Variants in TTYH2 observed in about 807,000 individuals in gnomAD.
The protein encoded by TTYH2 is tweety family member 2.
In TTYH2, 49 loss-of-function variants were observed where a neutral mutation model predicts 68.3. The ratio of observed to expected loss-of-function variants is 0.72; its 90% CI spans 0.57 to 0.91. TTYH2 has a LOEUF of 0.91. TTYH2 is among the 40% of genes least tolerant of loss of function. TTYH2 has a pLI of 0.00. For missense variants in TTYH2, 631 were observed against 700.4 expected, an observed-to-expected ratio of 0.90 and a Z score of 1.12; for synonymous variants, 272 against 300.8, an observed-to-expected ratio of 0.90 and a Z score of 0.99.
At chr17:74,237,086 G>T (rs545205442) in intron 3 of TTYH2, among the ~76,000 whole-genome samples, 30 of 152,078 alleles carry the variant, frequency 2.0e-4, no homozygotes, top group African/African-American at 7.0e-4. Flanking sequence ...TTTTTGTAGA[G>T]ACAGGGTCTC....
chr17:74,258,741 G>T (rs2050717708), intron 13 of TTYH2, among the ~76,000 whole-genome samples: 1 of 151,986 alleles, frequency 6.6e-6, no homozygotes, highest in Admixed American at 6.6e-5. Context: ...AGCATCCCTG[G>T]CATCTACTTG....
intron 10 of TTYH2, 191 bp from the exon 11 acceptor site, chr17:74,252,043 G>A (rs545646599): frequency 4.5e-6 from 3 of 666,504 alleles, no homozygotes; most frequent in South Asian, 3.7e-5. Context: ...TTTCCAGCGT[G>A]AACCCAAGAA....
Position 74,243,989 on chromosome 17 carries a change from T to TG in TTYH2, c.748dup (p.Ala250GlyfsTer14). 6.2e-7 allele frequency: 1 copy of TG among 1,612,146 alleles called. No homozygotes were observed. Among genetic ancestry groups the TG allele is most frequent in the Non-Finnish European group, 8.5e-7 (1 of 1,179,912 alleles). On this transcript the variant is annotated frameshift_variant, in exon 6 of 14. Coordinates refer to ENST00000269346, the MANE Select transcript of TTYH2 (RefSeq NM_032646.6). LOFTEE classifies it high-confidence loss of function. ...GCCTCTCTCCTAGGATGCTGTGCTG[T>TG]GGGGCACTGAGCCTGCTCCTCAGTT... is the stretch of plus-strand genomic sequence containing the variant.
At chr17:74,248,391 C>T (rs1427557463) in intron 6 of TTYH2, 2 of 986,854 alleles carry the variant, frequency 2.0e-6, no homozygotes, top group African/African-American at 1.7e-5. Flanking sequence ...TGCTGTGGGG[C>T]CAGGTCCTCC....
At chr17:74,247,568 A>G (rs938910701) in intron 6 of TTYH2, among the ~76,000 whole-genome samples, 8 of 152,136 alleles carry the variant, frequency 5.3e-5, no homozygotes, top group Non-Finnish European at 1.0e-4. Context: ...GGAGCCTTGG[A>G]CTGGAGCCTC....
chr17:74,249,241 G>A lies in TTYH2; in HGVS notation c.875-103G>A, dbSNP rs2050593125. On this transcript the variant is annotated intron_variant, in intron 7 of 13. Transcript: ENST00000269346. ...CATTTCCTAGAAAGTGCCTCCCTTGGGAGCTCAGGGACGGGGAGGGAGGTC... is the reference window on the plus strand; with the variant it reads ...CATTTCCTAGAAAGTGCCTCCCTTGAGAGCTCAGGGACGGGGAGGGAGGTC... 7 of 1,571,258 alleles carry A rather than the reference G, an allele frequency of 4.5e-6. No individual in the cohort carries two copies. The East Asian group carries it at 1.6e-4, about 35-fold the overall frequency.
At chr17:74,250,183 C>T in intron 9 of TTYH2, 82 bp from the exon 10 acceptor site, 1 of 1,489,246 alleles carries the variant, frequency 6.7e-7, no homozygotes, top group Non-Finnish European at 9.2e-7. Flanking sequence ...CTAGAGGCCC[C>T]TGAGCACAGC....
At chr17:74,225,998 G>A (rs2050326082) in intron 2 of TTYH2, among the ~76,000 whole-genome samples, 1 of 152,248 alleles carries the variant, frequency 6.6e-6, no homozygotes, top group African/African-American at 2.4e-5. Context: ...GTCAGCTAGG[G>A]AGGTTTGGGG....
intron 1 of TTYH2, among the ~76,000 whole-genome samples, chr17:74,216,259 C>T (rs1043615083): frequency 1.5e-4 from 23 of 152,256 alleles, no homozygotes; most frequent in East Asian, 1.2e-3. Flanking sequence ...CTGAACAAAA[C>T]GCCTGCAGAA....
Position 74,250,062 on chromosome 17 carries a change from G to T in TTYH2, c.1023+34G>T, listed in dbSNP as rs372736706. ...GCTGTGCAGGAAGAGGGGAGCCCCA[G>T]ATGAACCCTGACAGCCCTTTCCCCT... On this transcript the variant is annotated intron_variant, in intron 9 of 13. Transcript: ENST00000269346. 84 of 1,609,028 alleles carry T rather than the reference G, an allele frequency of 5.2e-5. No homozygotes were observed. In the African/African-American group the frequency reaches 9.6e-4, roughly 18 times the overall value.
In TTYH2 at chr17:74,237,458, G is replaced by A; in HGVS notation, c.579G>A (p.Glu193=). The change falls in exon 4 of 14, where the codon GAG becomes GAA. Residue 193 remains glutamate, a synonymous_variant. Coordinates refer to ENST00000269346, the MANE Select transcript of TTYH2 (RefSeq NM_032646.6). The part of the protein sequence containing the change: ...VQLSGLPVWR[E]VTMELTKLSD... Reference sequence around the variant, plus strand: ...TCTCAGGACTGCCCGTGTGGAGGGAGGTCACCATGGAGCTGACCAAGCTAT... The same window carrying A: ...TCTCAGGACTGCCCGTGTGGAGGGAAGTCACCATGGAGCTGACCAAGCTAT... 1.2e-6 allele frequency: 2 copies of A among 1,614,066 alleles called. No homozygotes were observed. Among genetic ancestry groups the A allele is most frequent in the Non-Finnish European group, 1.7e-6 (2 of 1,180,004 alleles).
intron 2 of TTYH2, among the ~76,000 whole-genome samples, chr17:74,223,828 G>T (rs1013974623): frequency 5.3e-5 from 8 of 152,172 alleles, no homozygotes; most frequent in Non-Finnish European, 2.9e-5. Context: ...TCATACCCAG[G>T]CAGCTCACCT....
At chr17:74,242,144 C>T (rs2050508464) in intron 4 of TTYH2, among the ~76,000 whole-genome samples, 1 of 152,160 alleles carries the variant, frequency 6.6e-6, no homozygotes, top group South Asian at 2.1e-4. Context: ...GGTGAAGTGG[C>T]TTACCAAGGT....
rs1054049020 is a variant in TTYH2 at position 74,253,750 on chromosome 17, C to T, written c.1446-5C>T. On this transcript the variant is annotated splice_polypyrimidine_tract_variant and splice_region_variant and intron_variant, in intron 12 of 13. Transcript: ENST00000269346. ...CCCTCCTGAGCTCTCCTCTCATCCC[C>T]GCAGGAACCAAGCCATGCTCTTTGG... The T allele has an allele frequency of 8.1e-6, 13 of 1,614,006 alleles. No homozygotes were observed. Among genetic ancestry groups the T allele is most frequent in the South Asian group, 1.1e-5 (1 of 91,078 alleles).
At chr17:74,253,316 G>A (rs1303794156) in intron 12 of TTYH2, 50 bp downstream of exon 12, 3 of 1,516,626 alleles carry the variant, frequency 2.0e-6, no homozygotes, top group Admixed American at 4.4e-5. Context: ...CGGACAGCAT[G>A]TTGGGTGGGG....
rs2050397757 is a variant in TTYH2, at chr17:74,232,291, T to TG, written c.414+1293dup. On this transcript the variant is annotated intron_variant, in intron 3 of 13. Coordinates refer to ENST00000269346, the MANE Select transcript of TTYH2 (RefSeq NM_032646.6). This position sits in a 1 kb window ranked among gnomAD's most constrained non-coding sequence, Gnocchi z 5.1. ...TGTCACCTTAAAGAGACAGCTGTGC[T>TG]GCTCCTCCGTGCCCAAGTCAATTGT... Among the ~76,000 whole-genome samples the TG allele has an allele frequency of 6.6e-6, 1 of 152,332 alleles. No homozygotes were observed. Among genetic ancestry groups the TG allele is most frequent in the African/African-American group, 2.4e-5 (1 of 41,580 alleles).
intron 6 of TTYH2, chr17:74,248,168 GGGGACATCCCTAA>G (rs2050580295): frequency 1.0e-5 from 7 of 677,380 alleles, no homozygotes; most frequent in Non-Finnish European, 1.3e-5. Context: ...GCCAGAGGAG[GGGGACATCCCTAA>G]GGAACAGGCC....
At chr17:74,237,764 G>A (rs1028882175) in intron 4 of TTYH2, among the ~76,000 whole-genome samples, 15 of 152,066 alleles carry the variant, frequency 9.9e-5, no homozygotes, top group Non-Finnish European at 1.9e-4. Context: ...CCAAGTAGCT[G>A]GGACTACAGG....
In TTYH2 at chr17:74,215,960, G is replaced by A. The variant is rs995687690; in HGVS notation, c.129+2244G>A. On this transcript the variant is annotated intron_variant, in intron 1 of 13. Coordinates refer to ENST00000269346, the MANE Select transcript of TTYH2 (RefSeq NM_032646.6). The surrounding 1 kb of genome is among the most constrained non-coding windows in gnomAD (Gnocchi z 4.3). ...TATGGCAGACACCAAGCAGTTTGAG[G>A]TGGGGCTCTGCCCTCCAGTTGGCTG... is the stretch of plus-strand genomic sequence containing the variant. Among the ~76,000 whole-genome samples, 2 of 152,226 alleles carry A rather than the reference G, an allele frequency of 1.3e-5. No homozygotes were observed. Among genetic ancestry groups the A allele is most frequent in the Admixed American group, 6.5e-5 (1 of 15,282 alleles).
Sources: gnomAD v4.1 joint callset for allele counts (sites outside exome capture counted in the v4.1 genomes callset) on GRCh38, gnomAD v4.1.1 for gene constraint, Gnocchi (gnomAD v3.1) non-coding constraint, MANE v1.5 for transcripts, NCBI Gene and HGNC (gene_info 2026-07-23, HGNC 2026-07-21) for gene names.